PCDH15: variants seen among roughly 807,000 people sequenced by gnomAD.
PCDH15 encodes protocadherin related 15.
A neutral mutation model predicts 178.5 loss-of-function variants in PCDH15; 129 were observed. That is an observed-to-expected ratio of 0.72 (90% CI 0.63 to 0.84). The LOEUF (loss-of-function observed/expected upper bound fraction) is 0.84. Among genes scored for constraint, PCDH15 ranks in the 40% least tolerant of loss-of-function variants. The pLI is 0.00. For synonymous variants in PCDH15, 800 were observed against 732.0 expected (o/e 1.09, Z -1.50); for missense variants, 2,230 against 2,099.9 (o/e 1.06, Z -1.21).
chr10:55,059,940 C>T (rs1841389595), intron 2 of PCDH15, among the ~76,000 whole-genome samples: 1 of 151,352 alleles, frequency 6.6e-6, no homozygotes, highest in Admixed American at 6.6e-5. Flanking sequence ...GGCTAAATAT[C>T]CACTTGGTAA....
At chr10:54,817,271 G>A (rs916049756) in intron 3 of PCDH15, among the ~76,000 whole-genome samples, 1 of 151,852 alleles carries the variant, frequency 6.6e-6, no homozygotes, top group Non-Finnish European at 1.5e-5. Context: ...AATAATAATA[G>A]CAGAGCTGTC....
chr10:55,405,064 T>C lies in PCDH15; in HGVS notation c.-156+222561A>G, dbSNP rs79838676. Among the ~76,000 whole-genome samples the C allele has an allele frequency of 7.9e-3, 1,199 of 151,210 alleles. 15 individuals are homozygous for C. Among genetic ancestry groups the C allele is most frequent in the African/African-American group, 0.026 (1,078 of 41,288 alleles). On this transcript the variant is annotated intron_variant, in intron 2 of 5. Transcript: ENST00000613346. ...TTAGCACACATGAATAAACAACCAA[T>C]GAAAAAGATTATATTGCCACACTAT...
chr10:55,483,305 G>A (rs1335779659), intron 2 of PCDH15, among the ~76,000 whole-genome samples: 1 of 151,532 alleles, frequency 6.6e-6, no homozygotes, highest in African/African-American at 2.4e-5. Flanking sequence ...TAAAAAAGTG[G>A]GCAAAGTACA....
At chr10:55,527,265 A>G (rs2132058816) in intron 2 of PCDH15, among the ~76,000 whole-genome samples, 1 of 152,150 alleles carries the variant, frequency 6.6e-6, no homozygotes, top group East Asian at 1.9e-4. Context: ...TGGTGGCTAG[A>G]AATCCAAGGT....
intron 1 of PCDH15, among the ~76,000 whole-genome samples, chr10:55,212,296 A>T (rs191021336): frequency 6.6e-6 from 1 of 150,848 alleles, no homozygotes; most frequent in Admixed American, 6.6e-5. Context: ...TAGATGAGAC[A>T]TCACCTCTTC....
intron 3 of PCDH15, among the ~76,000 whole-genome samples, chr10:54,523,206 A>G (rs1028046433): frequency 6.6e-6 from 1 of 152,206 alleles, no homozygotes; most frequent in African/African-American, 2.4e-5. Context: ...AATAAACAAA[A>G]TCTTGATTCT....
intron 2 of PCDH15, among the ~76,000 whole-genome samples, chr10:55,591,165 G>A (rs1418698674): frequency 2.0e-5 from 3 of 151,790 alleles, no homozygotes; most frequent in Non-Finnish European, 4.4e-5. Context: ...AATATTTAAG[G>A]TTATGATAGG....
intron 1 of PCDH15, among the ~76,000 whole-genome samples, chr10:54,726,420 GT>G (rs1277683802): frequency 6.6e-4 from 3 of 4,526 alleles, no homozygotes; most frequent in Admixed American, 2.9e-3. Context: ...CCCATCAGGG[GT>G]GTGTGTGTGT....
chr10:54,933,204 A>C (rs1436760575), intron 2 of PCDH15, among the ~76,000 whole-genome samples: 1 of 114,326 alleles, frequency 8.7e-6, no homozygotes, highest in Non-Finnish European at 1.9e-5. Context: ...AAATCTCATA[A>C]TGACACATTT....
intron 2 of PCDH15, among the ~76,000 whole-genome samples, chr10:55,546,788 A>T (rs1841891064): frequency 6.6e-6 from 1 of 152,172 alleles, no homozygotes; most frequent in African/African-American, 2.4e-5. Context: ...AGTACTAGTC[A>T]CTAGAATACA....
intron 3 of PCDH15, among the ~76,000 whole-genome samples, chr10:54,511,458 C>G: frequency 6.6e-6 from 1 of 152,098 alleles, no homozygotes; most frequent in East Asian, 1.9e-4. Flanking sequence ...GAGAGAATAG[C>G]ACTTCACAGA....
intron 1 of PCDH15, among the ~76,000 whole-genome samples, chr10:55,190,087 A>G (rs1471422449): frequency 5.9e-5 from 9 of 151,822 alleles, no homozygotes; most frequent in Non-Finnish European, 1.2e-4. Flanking sequence ...AGCTACAGAT[A>G]CACAAAGCAT....
At chr10:54,732,567 A>G (rs1943557000) in intron 1 of PCDH15, among the ~76,000 whole-genome samples, 1 of 151,552 alleles carries the variant, frequency 6.6e-6, no homozygotes, top group Non-Finnish European at 1.5e-5. Flanking sequence ...CAACAAAGAA[A>G]AATTTTGTCT....
chr10:55,145,549 T>C (rs1867519), intron 2 of PCDH15, among the ~76,000 whole-genome samples: 31,290 of 151,830 alleles, frequency 0.21, 4,041 homozygotes, highest in Non-Finnish European at 0.27. Context: ...TATAAACTTT[T>C]TCTACTTTAT....
At chr10:54,120,121 T>C (rs2095189806) in intron 15 of PCDH15, among the ~76,000 whole-genome samples, 1 of 152,182 alleles carries the variant, frequency 6.6e-6, no homozygotes, top group African/African-American at 2.4e-5. Context: ...TTCAGCATGC[T>C]TAAAGAAAGC....
intron 2 of PCDH15, among the ~76,000 whole-genome samples, chr10:55,139,069 G>T (rs1838278843): frequency 6.6e-6 from 1 of 151,774 alleles, no homozygotes; most frequent in Non-Finnish European, 1.5e-5. Context: ...TTCCTCAATG[G>T]CTAATAATGT....
intron 1 of PCDH15, among the ~76,000 whole-genome samples, chr10:54,754,681 T>C (rs1275260037): frequency 6.6e-6 from 1 of 152,038 alleles, no homozygotes; most frequent in East Asian, 1.9e-4. Context: ...TACCTTAGAT[T>C]CCAATTCAAA....
intron 2 of PCDH15, among the ~76,000 whole-genome samples, chr10:54,649,042 G>A (rs905681114): frequency 3.3e-5 from 5 of 152,272 alleles, no homozygotes; most frequent in South Asian, 4.1e-4. Flanking sequence ...AGCATTTAGC[G>A]GGGCAGCCCT....
chr10:55,390,583 C>G (rs976367516), intron 2 of PCDH15, among the ~76,000 whole-genome samples: 1 of 152,204 alleles, frequency 6.6e-6, no homozygotes, highest in African/African-American at 2.4e-5. Flanking sequence ...TGGCAAATAA[C>G]GTTTTCAATT....
Sources: gnomAD v4.1 joint callset for allele counts (sites outside exome capture counted in the v4.1 genomes callset) on GRCh38, gnomAD v4.1.1 for gene constraint, MANE v1.5 for transcripts, NCBI Gene and HGNC (gene_info 2026-07-23, HGNC 2026-07-21) for gene names.